LDB1: variants seen among roughly 807,000 people sequenced by gnomAD.
LDB1 encodes LIM domain-binding protein 1.
A neutral mutation model predicts 49.7 loss-of-function variants in LDB1; 6 were observed. The observed-to-expected ratio is 0.12, with a 90% CI of 0.07 to 0.24. The LOEUF (loss-of-function observed/expected upper bound fraction) is 0.24, where lower values mean the gene tolerates loss of function less well. Among genes scored for constraint, LDB1 ranks in the 10% least tolerant of loss-of-function variants. The pLI is 1.00. For missense variants in LDB1, 341 were observed against 561.7 expected, an observed-to-expected ratio of 0.61 and a Z score of 3.97; for synonymous variants, 233 against 202.0, an observed-to-expected ratio of 1.15 and a Z score of -1.30.
rs750402193 is a variant in LDB1, at chr10:102,109,326, A to C, written c.856+58T>G. Reference sequence around the variant, plus strand: ...TGGGGAAAACTTCAAAAGGAAATAAAGATACAGCTTTGGGGAGCGGTGTGA... The same window carrying C: ...TGGGGAAAACTTCAAAAGGAAATAACGATACAGCTTTGGGGAGCGGTGTGA... On this transcript the variant is annotated intron_variant, in intron 9 of 10. Coordinates refer to ENST00000673968, the MANE Select transcript of LDB1 (RefSeq NM_001113407.3). This position sits in a 1 kb window ranked among gnomAD's most constrained non-coding sequence, Gnocchi z 5.8. 1.0e-4 allele frequency: 169 copies of C among 1,610,298 alleles called. No homozygotes were observed. Among genetic ancestry groups the C allele is most frequent in the Non-Finnish European group, 1.3e-4 (153 of 1,178,444 alleles).
Position 102,106,493 on chromosome 10 carries a change from A to T in LDB1, c.*1600T>A, listed in dbSNP as rs1267924634. 7.1e-6 allele frequency among the ~76,000 whole-genome samples: 1 copy of T among 141,618 alleles called. No individual in the cohort carries two copies. Among genetic ancestry groups the T allele is most frequent in the Non-Finnish European group, 1.5e-5 (1 of 66,334 alleles). 92.9% of individuals were successfully genotyped at this position (141,618 alleles called of 152,430 possible). A position where few individuals can be genotyped will look rare whatever the true frequency, so the allele number is the denominator to read the frequency against. Reference sequence around the variant, plus strand: ...CAATGACCAACCAGGACACTCTCAAACCGAAAAGTCTCTTTATTGATTGGT... The same window carrying T: ...CAATGACCAACCAGGACACTCTCAATCCGAAAAGTCTCTTTATTGATTGGT... On this transcript the variant is annotated 3_prime_UTR_variant, in exon 11 of 11. Transcript: ENST00000673968.
upstream of LDB1, among the ~76,000 whole-genome samples, chr10:102,120,711 C>T (rs929581157): frequency 2.0e-5 from 3 of 152,088 alleles, no homozygotes; most frequent in Non-Finnish European, 4.4e-5. Context: ...AGAGGGAGGG[C>T]GAAGGGGAGG....
chr10:102,114,522 G>C, intron 1 of LDB1: 1 of 986,166 alleles, frequency 1.0e-6, no homozygotes, highest in Non-Finnish European at 1.2e-6. Context: ...TCCCGAGTGG[G>C]ACGGGCAGGC....
chr10:102,111,408 AG>A (rs2068251207), intron 2 of LDB1, 25 bp downstream of exon 2: 2 of 1,599,060 alleles, frequency 1.3e-6, no homozygotes, highest in Non-Finnish European at 8.6e-7. Context: ...GAGAAGGGTT[AG>A]GAAGTGGCCA....
At chr10:102,105,369 G>A (rs1236562900), downstream of LDB1, among the ~76,000 whole-genome samples, 1 of 152,170 alleles carries the variant, frequency 6.6e-6, no homozygotes, top group East Asian at 1.9e-4. Context: ...GATTGGACAG[G>A]TCATACAGTC....
chr10:102,114,928 G>A (rs2068315044), intron 1 of LDB1: 6 of 787,114 alleles, frequency 7.6e-6, no homozygotes, highest in Admixed American at 6.3e-5. Context: ...AGCGCCCGCC[G>A]GCTGCCTGCC....
rs2068347421 is a variant in LDB1, at chr10:102,117,344, C to T, written c.25+2742G>A. Among the ~76,000 whole-genome samples, 1 of 152,194 alleles carries T rather than the reference C, an allele frequency of 6.6e-6. No homozygotes were observed. Among genetic ancestry groups the T allele is most frequent in the African/African-American group, 2.4e-5 (1 of 41,424 alleles). On this transcript the variant is annotated intron_variant, in intron 1 of 10. Transcript: ENST00000673968. This position sits in a 1 kb window ranked among gnomAD's most constrained non-coding sequence, Gnocchi z 4.2. The stretch of plus-strand genomic sequence containing the variant: ...CTTTCTCTGCTCTGACCAGATTTAC[C>T]CAGTTGCACAGGGGCAGAACAGGTC...
chr10:102,104,148 G>A (rs376288220), downstream of LDB1, among the ~76,000 whole-genome samples: 16 of 152,052 alleles, frequency 1.1e-4, no homozygotes, highest in Admixed American at 7.2e-4. Context: ...TAGGTTCCTA[G>A]GAAAGGGGAT....
rs1326579967 is a variant in LDB1, at chr10:102,109,114, A to G, written c.920T>C (p.Met307Thr). 6.2e-7 allele frequency: 1 copy of G among 1,614,036 alleles called. No homozygotes were observed. The highest frequency in any genetic ancestry group is 8.5e-7 in the Non-Finnish European group (1 of 1,180,032). ...GTTGGTGTTGCCACCACCAGAGCTC[A>G]TGGTGCTGCCCCCTGACATCTTCCG... ...RKRKMSGGST[M>T]SSGGGNTNNS... is the part of the protein sequence containing the mutation. The change falls in exon 10 of 11, where the codon ATG (methionine) becomes ACG (threonine). Residue 307 changes from methionine (M) to threonine (T), a missense_variant. Physicochemically the swap from Met to Thr is moderately conservative, Grantham distance 81 (BLOSUM62 -1). Around this residue, in one of 5 missense-constraint regions of LDB1, gnomAD observed 233 missense variants for 385.7 expected, o/e 0.60. Transcript: ENST00000673968. This position sits in a 1 kb window ranked among gnomAD's most constrained non-coding sequence, Gnocchi z 5.8.
chr10:102,121,294 C>T (rs1213552508), upstream of LDB1, among the ~76,000 whole-genome samples: 2 of 152,158 alleles, frequency 1.3e-5, no homozygotes, highest in Non-Finnish European at 2.9e-5. Flanking sequence ...GTACCAACCG[C>T]CCAACCCCAC....
chr10:102,110,403 C>T, intron 6 of LDB1, 126 bp downstream of exon 6: 1 of 948,472 alleles, frequency 1.1e-6, no homozygotes, highest in South Asian at 1.7e-5. Flanking sequence ...ACATGCCTAC[C>T]CGCCCTTCTT....
At position 102,109,870 on chromosome 10, in the gene LDB1, C is replaced by T. The variant is rs763987034; in HGVS notation, c.648+51G>A. 1 of 1,590,892 alleles carries T rather than the reference C, an allele frequency of 6.3e-7. No homozygotes were observed. The highest frequency in any genetic ancestry group is 8.6e-7 in the Non-Finnish European group (1 of 1,168,606). On this transcript the variant is annotated intron_variant, in intron 7 of 10. Transcript: ENST00000673968. This position sits in a 1 kb window ranked among gnomAD's most constrained non-coding sequence, Gnocchi z 5.8. Reference sequence around the variant, plus strand: ...GGGAAATGGCAGACCTTGTTCCACCCTTCCCCCGCCTGCCTTCACTCTTGC... The same window carrying T: ...GGGAAATGGCAGACCTTGTTCCACCTTTCCCCCGCCTGCCTTCACTCTTGC...
At chr10:102,111,408 A>G in intron 2 of LDB1, 26 bp downstream of exon 2, 1 of 1,599,060 alleles carries the variant, frequency 6.3e-7, no homozygotes, top group Non-Finnish European at 8.6e-7. Flanking sequence ...GAGAAGGGTT[A>G]GGAAGTGGCC....
In LDB1 at chr10:102,117,952, G is replaced by A. The variant is rs1182741872; in HGVS notation, c.25+2134C>T. On this transcript the variant is annotated intron_variant, in intron 1 of 10. Transcript: ENST00000673968. This position sits in a 1 kb window ranked among gnomAD's most constrained non-coding sequence, Gnocchi z 4.2. ...CAGTCACATGTGTGGGGCATGTGCTGTCTCTGCCGGGCTGGGGGAGGAGGA... is the reference window on the plus strand; with the variant it reads ...CAGTCACATGTGTGGGGCATGTGCTATCTCTGCCGGGCTGGGGGAGGAGGA... Among the ~76,000 whole-genome samples the A allele has an allele frequency of 6.6e-6, 1 of 152,162 alleles. No individual in the cohort carries two copies. The highest frequency in any genetic ancestry group is 1.9e-4 in the East Asian group (1 of 5,182).
In LDB1 at chr10:102,109,208, G is replaced by A. The variant is rs751145957; in HGVS notation, c.857-31C>T. On this transcript the variant is annotated intron_variant, in intron 9 of 10. Coordinates refer to ENST00000673968, the MANE Select transcript of LDB1 (RefSeq NM_001113407.3). The surrounding 1 kb of genome is among the most constrained non-coding windows in gnomAD (Gnocchi z 5.8). ...CCGGTAAACGGAGACTCAGATGGGA[G>A]AGGGCCCCAGGTCCCCTATTCTCCA... 1.6e-5 allele frequency: 25 copies of A among 1,612,406 alleles called. No homozygotes were observed. Among genetic ancestry groups the A allele is most frequent in the Non-Finnish European group, 1.9e-5 (22 of 1,179,810 alleles).
chr10:102,111,332 G>A, intron 2 of LDB1, 32 bp from the exon 3 acceptor site: 1 of 1,611,318 alleles, frequency 6.2e-7, no homozygotes. Flanking sequence ...GAGAATGGGG[G>A]TTGAAGATAG....
intron 1 of LDB1, chr10:102,114,655 AGGGGGCCGGCCTGGGGGGCG>A (rs1037929165): frequency 5.9e-6 from 5 of 843,076 alleles, no homozygotes; most frequent in African/African-American, 5.6e-5. Context: ...GCCGGGGGCC[AGGGGGCCGGCCTGGGGGGCG>A]GGGGGCCGCG....
chr10:102,111,462 G>A lies in LDB1; in HGVS notation c.100C>T (p.Pro34Ser). 2 of 1,569,494 alleles carry A rather than the reference G, an allele frequency of 1.3e-6. No homozygotes were observed. Among genetic ancestry groups the A allele is most frequent in the Non-Finnish European group, 1.7e-6 (2 of 1,156,068 alleles). Reference protein sequence around the residue: ...PNGNAFPPFHPGTMLDRDVGP... With the variant: ...PNGNAFPPFHSGTMLDRDVGP... ...ACATCCCTATCCAGCATGGTGCCGG[G>A]ATGGAAGGGGGGAAAGGCGTTGCCG... Residue 34 changes from proline to serine, a missense_variant, in exon 2 of 11, where the codon CCC becomes TCC. Around this residue, in one of 5 missense-constraint regions of LDB1, gnomAD observed 48 missense variants for 43.9 expected, o/e 1.09. Transcript: ENST00000673968.
Position 102,111,441 on chromosome 10 carries a change from C to A in LDB1, c.121G>T (p.Asp41Tyr), listed in dbSNP as rs1375768973. ...PFHPGTMLDRDVGPTPMYPPT... is the reference protein window; with the variant it reads ...PFHPGTMLDRYVGPTPMYPPT... ...GCCAAGAGACTCACTTACCCCACAT[C>A]CCTATCCAGCATGGTGCCGGGATGG... Residue 41 changes from aspartate (D) to tyrosine (Y), a missense_variant, in exon 2 of 11, where the codon GAT becomes TAT. Physicochemically the swap from Asp to Tyr is radical, Grantham distance 160 (BLOSUM62 -3). This residue lies in a region of LDB1 where 48 missense variants were observed against 43.9 expected (regional missense o/e 1.09). Transcript: ENST00000673968. 1 of 1,584,218 alleles carries A rather than the reference C, an allele frequency of 6.3e-7. No individual in the cohort carries two copies. The highest frequency in any genetic ancestry group is 2.2e-5 in the East Asian group (1 of 44,528).
Sources: gnomAD v4.1 joint callset for allele counts (sites outside exome capture counted in the v4.1 genomes callset) on GRCh38, gnomAD v4.1.1 for gene constraint, gnomAD v4.1.1 regional missense constraint, Gnocchi (gnomAD v3.1) non-coding constraint, MANE v1.5 for transcripts, NCBI Gene and HGNC (gene_info 2026-07-23, HGNC 2026-07-21) for gene names.